Variants in DNAH5 observed in about 807,000 individuals in gnomAD.
The protein encoded by DNAH5 is axonemal beta dynein heavy chain 5.
A neutral mutation model predicts 518.2 loss-of-function variants in DNAH5; 372 were observed. That is an observed-to-expected ratio of 0.72 (90% confidence interval 0.66 to 0.78). The LOEUF (loss-of-function observed/expected upper bound fraction) is 0.78. DNAH5 is among the 30% of genes least tolerant of loss of function. DNAH5 has a pLI of 0.00. For synonymous variants in DNAH5, 2,039 were observed against 2,025.9 expected, an observed-to-expected ratio of 1.01 and a Z score of -0.17; for missense variants, 5,523 against 5,687.0, an observed-to-expected ratio of 0.97 and a Z score of 0.93.
rs148597753 is a variant in DNAH5 at position 13,944,269 on chromosome 5, G to A, written c.57+113C>T. 4,958 of 1,023,002 alleles carry A rather than the reference G, an allele frequency of 4.8e-3. 23 individuals carry two copies. The highest frequency in any genetic ancestry group is 6.4e-3 in the Non-Finnish European group (4,184 of 650,556). 63.4% of individuals were successfully genotyped at this position (1,023,002 alleles called of 1,614,324 possible). ...ACATTAGTTAAAAAATGTGTTTCTC[G>A]CAAATTCATCAGTGTGTGACTTTGA... On this transcript the variant is annotated intron_variant, in intron 1 of 78. Transcript: ENST00000265104.
intron 16 of DNAH5, 107 bp downstream of exon 16, chr5:13,894,543 C>G: frequency 8.3e-7 from 1 of 1,210,552 alleles, no homozygotes; most frequent in South Asian, 1.3e-5. Flanking sequence ...AAGAATAACA[C>G]TCCCCATTTC....
In DNAH5 at chr5:13,931,229, C is replaced by G; in HGVS notation, c.73G>C (p.Glu25Gln). The change falls in exon 2 of 79, where the codon GAG becomes CAG. Residue 25 changes from glutamate to glutamine, a missense_variant. Coordinates refer to ENST00000265104, the MANE Select transcript of DNAH5 (RefSeq NM_001369.3). ...AAAAGAGCCCGCTTGGCTTCCTTCTCTCCCTTCAGTCTTTGCTAAAAGAAA... is the reference window on the plus strand; with the variant it reads ...AAAAGAGCCCGCTTGGCTTCCTTCTGTCCCTTCAGTCTTTGCTAAAAGAAA... ...TRVLTQRLKGEKEAKRALLDA... is the reference protein window; with the variant it reads ...TRVLTQRLKGQKEAKRALLDA... The G allele has an allele frequency of 1.2e-6, 2 of 1,614,148 alleles. No individual in the cohort carries two copies. The highest frequency in any genetic ancestry group is 1.7e-6 in the Non-Finnish European group (2 of 1,179,970).
At chr5:13,704,228 C>A (rs1579822926) in intron 76 of DNAH5, among the ~76,000 whole-genome samples, 1 of 152,310 alleles carries the variant, frequency 6.6e-6, no homozygotes, top group East Asian at 1.9e-4. Context: ...GAAGCCCAGC[C>A]AGCCAGCCCC....
chr5:13,841,407 G>A (rs1434492649), intron 33 of DNAH5, among the ~76,000 whole-genome samples: 1 of 151,458 alleles, frequency 6.6e-6, no homozygotes, highest in Non-Finnish European at 1.5e-5. Flanking sequence ...CATGATTTTT[G>A]TACATTGTTA....
intron 41 of DNAH5, among the ~76,000 whole-genome samples, chr5:13,818,580 C>T (rs1365541232): frequency 6.6e-6 from 1 of 152,244 alleles, no homozygotes; most frequent in Non-Finnish European, 1.5e-5. Context: ...ACCCTCAAGC[C>T]TCGGATGAAG....
chr5:13,845,488 A>G (rs911529197), intron 31 of DNAH5, among the ~76,000 whole-genome samples: 8 of 151,994 alleles, frequency 5.3e-5, no homozygotes, highest in Non-Finnish European at 8.8e-5. Flanking sequence ...GCAGAAGCAA[A>G]ACCCAGCTGT....
chr5:13,980,298 AC>A (rs1056534601), intron 1 of DNAH5, among the ~76,000 whole-genome samples: 1 of 151,100 alleles, frequency 6.6e-6, no homozygotes, highest in African/African-American at 2.4e-5. Flanking sequence ...ATTCATTCTA[AC>A]CCCCCAGGTG....
At chr5:13,840,852 T>G in intron 34 of DNAH5, 54 bp downstream of exon 34, 1 of 1,397,036 alleles carries the variant, frequency 7.2e-7, no homozygotes, top group Non-Finnish European at 1.0e-6. Flanking sequence ...TAAATGCAGA[T>G]AGTGTCTAGA....
rs60470226 is a variant in DNAH5, at chr5:13,862,860, A to ATATATATATATATATATG, written c.4597-114_4597-113insCATATATATATATATATA. On this transcript the variant is annotated intron_variant, in intron 28 of 78. Coordinates refer to ENST00000265104, the MANE Select transcript of DNAH5 (RefSeq NM_001369.3). ...TTGCTTCATATATATATAAATATATATATAAACTTTTATATTTCCAGACCT... is the reference window on the plus strand; with the variant it reads ...TTGCTTCATATATATATAAATATATATATATATATATATATATGTATAAACTTTTATATTTCCAGACCT... 2.6e-3 allele frequency: 748 copies of ATATATATATATATATATG among 292,882 alleles called. 2 individuals are homozygous for ATATATATATATATATATG. The highest frequency in any genetic ancestry group is 8.3e-3 in the African/African-American group (366 of 44,122). 18.1% of individuals were successfully genotyped at this position (292,882 alleles called of 1,614,324 possible).
chr5:13,864,296 A>G, intron 28 of DNAH5, 101 bp downstream of exon 28: 1 of 1,511,914 alleles, frequency 6.6e-7, no homozygotes, highest in South Asian at 1.1e-5. Flanking sequence ...AAGAGTTTCA[A>G]TTGTCTGAGT....
chr5:13,804,163 C>T (rs563893202), intron 47 of DNAH5, among the ~76,000 whole-genome samples: 142 of 152,088 alleles, frequency 9.3e-4, no homozygotes, highest in African/African-American at 3.3e-3. Flanking sequence ...ATTCCCTTAG[C>T]CAAAAAATGG....
intron 7 of DNAH5, among the ~76,000 whole-genome samples, chr5:13,918,182 T>C (rs7713700): frequency 0.46 from 69,971 of 152,054 alleles, 17,254 homozygotes; most frequent in East Asian, 0.85. Context: ...CTTGCCCTCC[T>C]TCACTTGCTC....
At chr5:13,711,414 T>C (rs1201861049) in intron 75 of DNAH5, among the ~76,000 whole-genome samples, 1 of 152,040 alleles carries the variant, frequency 6.6e-6, no homozygotes, top group Non-Finnish European at 1.5e-5. Context: ...CAACATAATA[T>C]TGAATGGGGA....
chr5:13,950,683 G>A (rs1421312235), intron 1 of DNAH5, among the ~76,000 whole-genome samples: 1 of 152,184 alleles, frequency 6.6e-6, no homozygotes, highest in East Asian at 1.9e-4. Context: ...AATTTTAGGT[G>A]CAAATCACCA....
At chr5:13,936,139 T>G (rs1778904361) in intron 1 of DNAH5, among the ~76,000 whole-genome samples, 1 of 152,188 alleles carries the variant, frequency 6.6e-6, no homozygotes, top group African/African-American at 2.4e-5. Flanking sequence ...GATGTCAGAA[T>G]GAGGTGGTAA....
chr5:13,848,585 T>C (rs1766382868), intron 31 of DNAH5, among the ~76,000 whole-genome samples: 1 of 152,216 alleles, frequency 6.6e-6, no homozygotes, highest in South Asian at 2.1e-4. Context: ...GCCCTCAGCT[T>C]GTTTTCCTGC....
intron 1 of DNAH5, among the ~76,000 whole-genome samples, 192 bp from the exon 2 acceptor site, chr5:13,931,436 G>A (rs534999698): frequency 6.6e-6 from 1 of 152,232 alleles, no homozygotes; most frequent in East Asian, 1.9e-4. Flanking sequence ...AATAAAGCAT[G>A]CTCATTGTTG....
chr5:14,000,662 G>A (rs1784289890), intron 1 of DNAH5, among the ~76,000 whole-genome samples: 1 of 151,410 alleles, frequency 6.6e-6, no homozygotes, highest in Non-Finnish European at 1.5e-5. Context: ...TGCTGGCAAG[G>A]CTGCGGGGAA....
intron 47 of DNAH5, among the ~76,000 whole-genome samples, chr5:13,805,576 A>G (rs35597340): frequency 0.22 from 32,780 of 151,810 alleles, 3,758 homozygotes; most frequent in East Asian, 0.54. Context: ...ACCCCAATAA[A>G]AACCCAGGAC....
Sources: gnomAD v4.1 joint callset for allele counts (sites outside exome capture counted in the v4.1 genomes callset) on GRCh38, gnomAD v4.1.1 for gene constraint, MANE v1.5 for transcripts, NCBI Gene and HGNC (gene_info 2026-07-23, HGNC 2026-07-21) for gene names.